The following NCK2 variants were observed in gnomAD, a reference collection of about 807,000 sequenced individuals.
NCK2 encodes NCK adaptor protein 2.
In NCK2, 16 loss-of-function variants were observed where a neutral mutation model predicts 33.9. The ratio of observed to expected loss-of-function variants is 0.47; its 90% CI spans 0.32 to 0.72. The LOEUF is 0.72. Ranked by LOEUF, NCK2 falls within the 30% of genes least tolerant of loss-of-function variation. The pLI is 0.03. For missense variants in NCK2, 418 were observed against 537.3 expected (o/e 0.78, Z 2.19); for synonymous variants, 273 against 239.9 (o/e 1.14, Z -1.27).
Position 105,798,863 on chromosome 2 carries a change from T to C in NCK2, c.-200-17567T>C, listed in dbSNP as rs1404417163. 3.3e-5 allele frequency among the ~76,000 whole-genome samples: 5 copies of C among 152,232 alleles called. No individual in the cohort carries two copies. The East Asian group carries it at 7.7e-4, about 23-fold the overall frequency. ...CACCGAGCTTCCTCAGATGTTAACA[T>C]CTTAACCACAGCACAGTTTTGAAAA... On this transcript the variant is annotated intron_variant, in intron 1 of 4. Coordinates refer to ENST00000233154, the MANE Select transcript of NCK2 (RefSeq NM_003581.5).
In NCK2 at chr2:105,881,280, G is replaced by T. The variant is rs548603941; in HGVS notation, c.227-48G>T. The T allele has an allele frequency of 7.2e-6, 11 of 1,537,568 alleles. No individual in the cohort carries two copies. The African/African-American group carries it at 1.1e-4, about 15-fold the overall frequency. ...AAATCCCGGTAGGCTAGGGAGTGTG[G>T]TGGTGCCCAAGTGCCCTGCGCCACT... On this transcript the variant is annotated intron_variant, in intron 3 of 4. Transcript: ENST00000233154.
chr2:105,744,745 C>T (rs1296528341), upstream of NCK2, among the ~76,000 whole-genome samples: 1 of 150,106 alleles, frequency 6.7e-6, no homozygotes, highest in African/African-American at 2.4e-5. Flanking sequence ...GGTCTCGGGT[C>T]CCCGCCCCGC....
chr2:105,856,092 C>G (rs1677256822), intron 3 of NCK2, among the ~76,000 whole-genome samples: 1 of 151,954 alleles, frequency 6.6e-6, no homozygotes, highest in South Asian at 2.1e-4. Flanking sequence ...CCTTGGCCTC[C>G]CAAAGTGCTG....
intron 2 of NCK2, among the ~76,000 whole-genome samples, chr2:105,835,421 A>ATATATATATACGTGTATATATATGTG (rs1676388802): frequency 1.3e-5 from 1 of 74,372 alleles, no homozygotes; most frequent in African/African-American, 7.9e-5. Context: ...ATATATATAT[A>ATATATATATACGTGTATATATATGTG]TATTTTTTTT....
chr2:105,864,981 T>G (rs1362257626), intron 3 of NCK2, among the ~76,000 whole-genome samples: 1 of 151,940 alleles, frequency 6.6e-6, no homozygotes. Flanking sequence ...TACCTTCAAC[T>G]AAAAAGCGGT....
At chr2:105,833,139 G>T (rs1198201383) in intron 2 of NCK2, among the ~76,000 whole-genome samples, 1 of 151,136 alleles carries the variant, frequency 6.6e-6, no homozygotes, top group Admixed American at 6.6e-5. Context: ...TTGTTGCCCA[G>T]GCTGGAGTGT....
chr2:105,774,746 T>G (rs1490431364), intron 1 of NCK2, among the ~76,000 whole-genome samples: 2 of 152,162 alleles, frequency 1.3e-5, no homozygotes, highest in African/African-American at 4.8e-5. Context: ...CACTCAATTT[T>G]TAACTCACGT....
chr2:105,779,640 T>C (rs1421954695), intron 1 of NCK2, among the ~76,000 whole-genome samples: 2 of 152,042 alleles, frequency 1.3e-5, no homozygotes, highest in African/African-American at 4.8e-5. Flanking sequence ...GAGAGCTTGC[T>C]CTCCGCCCAC....
chr2:105,863,096 A>T (rs977249825), intron 3 of NCK2, among the ~76,000 whole-genome samples: 3 of 152,232 alleles, frequency 2.0e-5, no homozygotes, highest in African/African-American at 7.2e-5. Context: ...TATTCATCAT[A>T]TCTATATCCC....
At chr2:105,804,021 C>T (rs533157896) in intron 1 of NCK2, among the ~76,000 whole-genome samples, 2 of 152,300 alleles carry the variant, frequency 1.3e-5, no homozygotes, top group East Asian at 3.9e-4. Flanking sequence ...GAGTGCATCT[C>T]TGCCATCCCT....
chr2:105,858,610 A>G (rs1418507561), intron 3 of NCK2, among the ~76,000 whole-genome samples: 1 of 152,092 alleles, frequency 6.6e-6, no homozygotes, highest in African/African-American at 2.4e-5. Context: ...CCCCAGCAAA[A>G]CCACAGTGTT....
intron 3 of NCK2, among the ~76,000 whole-genome samples, chr2:105,879,397 G>GT (rs1036835116): frequency 6.4e-4 from 97 of 152,316 alleles, no homozygotes; most frequent in African/African-American, 2.3e-3. Context: ...AGCTGTGGCG[G>GT]TATCATGGTG....
chr2:105,791,847 C>T (rs919990531), intron 1 of NCK2, among the ~76,000 whole-genome samples: 1 of 152,074 alleles, frequency 6.6e-6, no homozygotes, highest in African/African-American at 2.4e-5. Flanking sequence ...ATTTAACACC[C>T]GAATAACTTA....
chr2:105,781,086 C>T (rs1048555195), intron 1 of NCK2, among the ~76,000 whole-genome samples: 10 of 152,328 alleles, frequency 6.6e-5, no homozygotes, highest in African/African-American at 2.4e-4. Context: ...CTCCCACCCA[C>T]CTATTCCGGG....
At chr2:105,779,586 C>G (rs893413337) in intron 1 of NCK2, among the ~76,000 whole-genome samples, 3 of 152,062 alleles carry the variant, frequency 2.0e-5, no homozygotes, top group Admixed American at 2.0e-4. Flanking sequence ...AAAGGACTGC[C>G]CATTCTTTGT....
At chr2:105,886,905 A>G (rs1214190366) in intron 4 of NCK2, among the ~76,000 whole-genome samples, 1 of 152,228 alleles carries the variant, frequency 6.6e-6, no homozygotes, top group African/African-American at 2.4e-5. Flanking sequence ...TTATGTAAAT[A>G]AGATTACTTC....
chr2:105,834,651 GTT>G (rs35931398), intron 2 of NCK2, among the ~76,000 whole-genome samples: 1 of 151,252 alleles, frequency 6.6e-6, no homozygotes, highest in Admixed American at 6.6e-5. Flanking sequence ...ACATTAAAGG[GTT>G]TTTTTTTCAA....
At chr2:105,870,483 A>G (rs1677954673) in intron 3 of NCK2, among the ~76,000 whole-genome samples, 1 of 152,212 alleles carries the variant, frequency 6.6e-6, no homozygotes, top group South Asian at 2.1e-4. Context: ...GGCCAGGCAC[A>G]GTGGCTCACA....
At position 105,881,785 on chromosome 2, in the gene NCK2, G is replaced by A. The variant is rs1431632831; in HGVS notation, c.684G>A (p.Pro228=). 10 of 1,613,714 alleles carry A rather than the reference G, an allele frequency of 6.2e-6. No individual in the cohort carries two copies. Among genetic ancestry groups the A allele is most frequent in the African/African-American group, 1.3e-5 (1 of 74,940 alleles). The change falls in exon 4 of 5, where the codon CCG becomes CCA. Residue 228 remains proline (P), a synonymous_variant. Transcript: ENST00000233154. The part of the protein sequence containing the change: ...KGETMEVIEK[P]ENDPEWWKCK... ...AGACCATGGAGGTGATTGAGAAGCC[G>A]GAGAACGACCCCGAGTGGTGGAAAT...
Sources: allele counts gnomAD v4.1 joint callset (sites outside exome capture counted in the v4.1 genomes callset), GRCh38; gene constraint gnomAD v4.1.1; transcripts MANE v1.5; gene names NCBI Gene and HGNC (gene_info 2026-07-23, HGNC 2026-07-21).